Variants in CROCC2 observed in about 807,000 individuals in gnomAD.
CROCC2 encodes ciliary rootlet coiled-coil, rootletin family member 2.
Under a neutral mutation model 177.6 loss-of-function variants are expected in CROCC2, and 163 were observed. The ratio of observed to expected loss-of-function variants is 0.92; its 90% CI spans 0.81 to 1.05. The LOEUF (loss-of-function observed/expected upper bound fraction) is 1.05, where lower values mean the gene tolerates loss of function less well. Among genes scored for constraint, CROCC2 ranks in the 50% least tolerant of loss-of-function variants. The pLI is 0.00. For missense variants in CROCC2, 1,929 were observed against 1,797.8 expected, an observed-to-expected ratio of 1.07 and a Z score of -1.32; for synonymous variants, 904 against 787.3, an observed-to-expected ratio of 1.15 and a Z score of -2.48.
At chr2:240,909,522 C>T (rs931937194) in intron 1 of CROCC2, among the ~76,000 whole-genome samples, 1 of 152,230 alleles carries the variant, frequency 6.6e-6, no homozygotes, top group African/African-American at 2.4e-5. Context: ...CTCATCCCCT[C>T]GGATGTCAGG....
chr2:240,911,896 T>C (rs2059291177), intron 1 of CROCC2, among the ~76,000 whole-genome samples: 2 of 152,242 alleles, frequency 1.3e-5, no homozygotes, highest in Admixed American at 1.3e-4. Context: ...CATCTCTGAA[T>C]GGACGCCTGG....
chr2:240,959,143 C>A, intron 19 of CROCC2, 158 bp from the exon 20 acceptor site: 1 of 814,632 alleles, frequency 1.2e-6, no homozygotes, highest in Non-Finnish European at 1.8e-6. Flanking sequence ...GTTTAGGAAA[C>A]CAAGGGCCAG....
intron 19 of CROCC2, among the ~76,000 whole-genome samples, chr2:240,956,643 G>A (rs1351645310): frequency 6.6e-6 from 1 of 152,254 alleles, no homozygotes; most frequent in African/African-American, 2.4e-5. Context: ...GGGCTGGACA[G>A]GCAGCAGCAA....
chr2:240,950,233 A>G, intron 17 of CROCC2, 101 bp from the exon 18 acceptor site: 1 of 1,256,046 alleles, frequency 8.0e-7, no homozygotes, highest in Non-Finnish European at 1.1e-6. Flanking sequence ...CCTGGGGTCC[A>G]TCAGCCCTGG....
rs1057360350 is a variant in CROCC2, at chr2:240,961,831, G to A, written c.3088-1725G>A. Reference sequence around the variant, plus strand: ...CTCACATACACTCACACACACGCACGCACACATACACTCATGACACACACG... The same window carrying A: ...CTCACATACACTCACACACACGCACACACACATACACTCATGACACACACG... On this transcript the variant is annotated intron_variant, in intron 20 of 31. Coordinates refer to ENST00000690015, the MANE Select transcript of CROCC2 (RefSeq NM_001351305.2). Among the ~76,000 whole-genome samples, 39 of 18,254 alleles carry A rather than the reference G, an allele frequency of 2.1e-3. 2 individuals are homozygous for A. Among genetic ancestry groups the A allele is most frequent in the African/African-American group, 9.6e-3 (23 of 2,386 alleles). 12.0% of individuals were successfully genotyped at this position (18,254 alleles called of 152,430 possible).
intron 28 of CROCC2, among the ~76,000 whole-genome samples, chr2:240,984,547 TCACTCCACAC>T (rs2059823016): frequency 1.0e-5 from 1 of 98,942 alleles, no homozygotes; most frequent in African/African-American, 4.5e-5. Flanking sequence ...ACCCAGGCAC[TCACTCCACAC>T]ACACCCAGGC....
chr2:240,991,873 T>C (rs2059881948), intron 31 of CROCC2, among the ~76,000 whole-genome samples: 1 of 152,186 alleles, frequency 6.6e-6, no homozygotes, highest in Non-Finnish European at 1.5e-5. Context: ...CATAATGTCC[T>C]GCAAGGCCAG....
Position 240,982,831 on chromosome 2 carries a change from C to T in CROCC2, c.4402-49C>T, listed in dbSNP as rs1031375538. 1 of 1,508,494 alleles carries T rather than the reference C, an allele frequency of 6.6e-7. No homozygotes were observed. The highest frequency in any genetic ancestry group is 2.1e-5 in the Admixed American group (1 of 47,772). 93.4% of individuals were successfully genotyped at this position (1,508,494 alleles called of 1,614,324 possible). ...TGAGGCCAGGGTTTCCCTGCAGGGC[C>T]TCCCACCCCCAGTGTCTCCAGGTGG... On this transcript the variant is annotated intron_variant, in intron 27 of 31. Transcript: ENST00000690015. The surrounding 1 kb of genome is among the most constrained non-coding windows in gnomAD (Gnocchi z 4.7).
At chr2:240,957,070 C>T (rs928697987) in intron 19 of CROCC2, among the ~76,000 whole-genome samples, 1 of 151,982 alleles carries the variant, frequency 6.6e-6, no homozygotes, top group African/African-American at 2.4e-5. Flanking sequence ...GACACAGGTG[C>T]GAGGGTGCCC....
Position 240,982,909 on chromosome 2 carries a change from T to C in CROCC2, c.4431T>C (p.Leu1477=). The change falls in exon 28 of 32, where the codon CTT becomes CTC. Residue 1477 remains leucine (L), a synonymous_variant. Coordinates refer to ENST00000690015, the MANE Select transcript of CROCC2 (RefSeq NM_001351305.2). This position sits in a 1 kb window ranked among gnomAD's most constrained non-coding sequence, Gnocchi z 4.7. ...AACTGGAAACGCTGCGCCAGGCTCTTGAAGAGAGCAGGAGGCACAGCCAAG... is the reference window on the plus strand; with the variant it reads ...AACTGGAAACGCTGCGCCAGGCTCTCGAAGAGAGCAGGAGGCACAGCCAAG... The part of the protein sequence containing the change: ...QEQLETLRQA[L]EESRRHSQGL... 3 of 1,549,982 alleles carry C rather than the reference T, an allele frequency of 1.9e-6. No individual in the cohort carries two copies. Among genetic ancestry groups the C allele is most frequent in the Non-Finnish European group, 2.6e-6 (3 of 1,146,824 alleles).
At chr2:240,948,391 C>T (rs1488067126) in intron 15 of CROCC2, among the ~76,000 whole-genome samples, 5 of 152,190 alleles carry the variant, frequency 3.3e-5, no homozygotes, top group Non-Finnish European at 7.3e-5. Context: ...CCATGGCCCA[C>T]CCTGACCTCA....
chr2:240,943,346 C>T (rs760130423), intron 14 of CROCC2, among the ~76,000 whole-genome samples: 1 of 152,112 alleles, frequency 6.6e-6, no homozygotes, highest in Non-Finnish European at 1.5e-5. Context: ...TACCTCAAGG[C>T]ATTTCCTTGC....
chr2:240,925,973 C>G (rs2106457644), intron 5 of CROCC2, 93 bp downstream of exon 5: 1 of 611,898 alleles, frequency 1.6e-6, no homozygotes, highest in Admixed American at 2.8e-5. Flanking sequence ...GGTGCACTGG[C>G]TCAGTGGCTG....
chr2:240,948,086 C>T lies in CROCC2; in HGVS notation c.2364-893C>T, dbSNP rs546294877. Among the ~76,000 whole-genome samples, 25 of 152,196 alleles carry T rather than the reference C, an allele frequency of 1.6e-4. No individual in the cohort carries two copies. In the East Asian group the frequency reaches 3.1e-3, roughly 19 times the overall value. On this transcript the variant is annotated intron_variant, in intron 15 of 31. Coordinates refer to ENST00000690015, the MANE Select transcript of CROCC2 (RefSeq NM_001351305.2). ...TGACTTGAAGGAAAGGTTTCCTACA[C>T]GCAGAAGGGGGAAGAGCTGCCAGGT... is the stretch of plus-strand genomic sequence containing the variant.
chr2:240,936,012 G>A (rs2059467487), intron 14 of CROCC2, among the ~76,000 whole-genome samples: 1 of 133,198 alleles, frequency 7.5e-6, no homozygotes, highest in Non-Finnish European at 1.7e-5. Flanking sequence ...TCAACTCACT[G>A]GAGAAAAAAA....
At chr2:240,925,217 G>A (rs546511450) in intron 4 of CROCC2, among the ~76,000 whole-genome samples, 2 of 151,932 alleles carry the variant, frequency 1.3e-5, no homozygotes, top group East Asian at 3.9e-4. Context: ...TAGGCCTGGC[G>A]GGGGTGCCGG....
Position 240,910,875 on chromosome 2 carries a change from A to G in CROCC2, c.78+4284A>G, listed in dbSNP as rs537848208. Among the ~76,000 whole-genome samples, 15 of 152,248 alleles carry G rather than the reference A, an allele frequency of 9.9e-5. No homozygotes were observed. In the East Asian group the frequency reaches 2.9e-3, roughly 29 times the overall value. Reference sequence around the variant, plus strand: ...GCCGGGTGCAGTGACTCACACCTGTAATCCCAGCACTTTGGGAGGCTAAGG... The same window carrying G: ...GCCGGGTGCAGTGACTCACACCTGTGATCCCAGCACTTTGGGAGGCTAAGG... On this transcript the variant is annotated intron_variant, in intron 1 of 31. Coordinates refer to ENST00000690015, the MANE Select transcript of CROCC2 (RefSeq NM_001351305.2).
chr2:240,943,606 G>C (rs748780855), intron 14 of CROCC2, among the ~76,000 whole-genome samples: 24 of 151,688 alleles, frequency 1.6e-4, no homozygotes, highest in Non-Finnish European at 2.6e-4. Context: ...TCCTGCCTCA[G>C]CCTCCTGAGT....
intron 14 of CROCC2, among the ~76,000 whole-genome samples, chr2:240,944,089 G>A (rs933574777): frequency 2.6e-5 from 4 of 152,138 alleles, no homozygotes; most frequent in Admixed American, 2.6e-4. Context: ...TTTTCGCTGG[G>A]TATAGAATAC....
Sources: allele counts gnomAD v4.1 joint callset (sites outside exome capture counted in the v4.1 genomes callset), GRCh38; gene constraint gnomAD v4.1.1; non-coding constraint Gnocchi (gnomAD v3.1); transcripts MANE v1.5; gene names NCBI Gene and HGNC (gene_info 2026-07-23, HGNC 2026-07-21).